DIAPH2: variants seen among roughly 807,000 people sequenced by gnomAD.
DIAPH2 encodes protein diaphanous homolog 2.
DIAPH2 carries 35 observed loss-of-function variants against 92.7 expected under a neutral mutation model. The observed-to-expected ratio is 0.38, with a 90% CI of 0.29 to 0.50. DIAPH2 has a LOEUF of 0.50. Ranked by LOEUF, DIAPH2 falls within the 20% of genes least tolerant of loss-of-function variation. The pLI is 0.94. For synonymous variants in DIAPH2, 301 were observed against 280.4 expected (o/e 1.07, Z -0.73); for missense variants, 701 against 819.5 (o/e 0.86, Z 1.77).
intron 3 of DIAPH2, among the ~76,000 whole-genome samples, chrX:96,757,771 C>T (rs1404621135): frequency 1.8e-5 from 2 of 111,687 alleles, no homozygotes; most frequent in Non-Finnish European, 3.8e-5. Flanking sequence ...AATAATGATC[C>T]TAAGGGAGCA....
intron 4 of DIAPH2, among the ~76,000 whole-genome samples, chrX:96,775,354 T>TGTGTGC (rs1491531103): frequency 2.0e-3 from 14 of 7,062 alleles, no homozygotes; most frequent in Admixed American, 9.8e-3. Flanking sequence ...AACGTGTGCT[T>TGTGTGC]GTGTGTGTGT....
At chrX:97,126,737 C>T (rs2067096703) in intron 21 of DIAPH2, among the ~76,000 whole-genome samples, 1 of 112,351 alleles carries the variant, frequency 8.9e-6, no homozygotes, top group South Asian at 3.7e-4. Flanking sequence ...AGCGCATACT[C>T]TGTTAGATGA....
chrX:96,962,376 TATAC>T lies in DIAPH2; in HGVS notation c.1936-2715_1936-2712del, dbSNP rs774420520. On this transcript the variant is annotated intron_variant, in intron 16 of 26. Coordinates refer to ENST00000324765, the MANE Select transcript of DIAPH2 (RefSeq NM_006729.5). ...ACACATATATATATACACATATATA[TATAC>T]ACATATATATACACATATATATACA... Among the ~76,000 whole-genome samples the T allele has an allele frequency of 2.3e-3, 156 of 67,240 alleles. 7 individuals carry two copies. The highest frequency in any genetic ancestry group is 2.5e-3 in the Non-Finnish European group (93 of 37,271). 58.4% of individuals were successfully genotyped at this position (67,240 alleles called of 115,157 possible).
rs144881189 is a variant in DIAPH2, at chrX:97,109,313, C to T, written c.2350-5413C>T. Reference sequence around the variant, plus strand: ...ACATGTGCCTGTAGTCCTGGCTACTCGGGAGGCTGAGGTGGGAAGATCGCC... The same window carrying T: ...ACATGTGCCTGTAGTCCTGGCTACTTGGGAGGCTGAGGTGGGAAGATCGCC... On this transcript the variant is annotated intron_variant, in intron 20 of 26. Coordinates refer to ENST00000324765, the MANE Select transcript of DIAPH2 (RefSeq NM_006729.5). Among the ~76,000 whole-genome samples the T allele has an allele frequency of 3.5e-3, 384 of 110,893 alleles. 2 individuals are homozygous for T. The highest frequency in any genetic ancestry group is 0.012 in the African/African-American group (366 of 30,525).
chrX:97,391,143 G>A (rs1716277303), intron 25 of DIAPH2, among the ~76,000 whole-genome samples: 1 of 111,434 alleles, frequency 9.0e-6, no homozygotes, highest in Admixed American at 9.6e-5. Flanking sequence ...AAAGATGCAG[G>A]AAAGAAAGAG....
intron 22 of DIAPH2, among the ~76,000 whole-genome samples, chrX:97,184,609 C>T (rs1411140193): frequency 9.0e-6 from 1 of 111,165 alleles, no homozygotes; most frequent in Admixed American, 9.7e-5. Context: ...GCCTCTGGTG[C>T]CTGGGGAGAT....
At chrX:97,529,575 A>G (rs946371548) in intron 26 of DIAPH2, among the ~76,000 whole-genome samples, 6 of 112,039 alleles carry the variant, frequency 5.4e-5, no homozygotes, top group African/African-American at 1.9e-4. Context: ...TAAGTAGATA[A>G]GGAATTATAA....
chrX:97,369,395 AG>A (rs1309522528), intron 24 of DIAPH2, among the ~76,000 whole-genome samples: 1 of 85,728 alleles, frequency 1.2e-5, no homozygotes, highest in Non-Finnish European at 2.7e-5. Flanking sequence ...ATTTAATCTG[AG>A]GGAGGAGAGG....
Position 96,684,844 on chromosome X carries a change from C to T in DIAPH2, c.-215C>T, listed in dbSNP as rs919672453. ...GCAACTGCTCAGGGGCAGGGCTTGC[C>T]CCAGCGCCGAGTAGTGGCAACGGCG... On this transcript the variant is annotated 5_prime_UTR_variant, in exon 1 of 27. Coordinates refer to ENST00000324765, the MANE Select transcript of DIAPH2 (RefSeq NM_006729.5). The T allele has an allele frequency of 6.7e-5, 22 of 328,480 alleles. No individual in the cohort carries two copies. The highest frequency in any genetic ancestry group is 3.2e-4 in the Admixed American group (5 of 15,868). The allele number at this position is 328,480 out of a possible 1,213,427, so 27.1% of individuals were successfully genotyped here. A position where few individuals can be genotyped will look rare whatever the true frequency, so the allele number is the denominator to read the frequency against.
intron 4 of DIAPH2, among the ~76,000 whole-genome samples, chrX:96,845,927 C>T (rs2064968117): frequency 9.1e-6 from 1 of 109,880 alleles, no homozygotes; most frequent in South Asian, 3.9e-4. Context: ...ATTACAGGCA[C>T]ATGCCACCAC....
At chrX:97,073,796 C>G (rs1170513952) in intron 18 of DIAPH2, among the ~76,000 whole-genome samples, 4 of 112,325 alleles carry the variant, frequency 3.6e-5, no homozygotes, top group African/African-American at 9.7e-5. Context: ...TTACAATAAA[C>G]AAAACATCAT....
Position 97,229,269 on chromosome X carries a change from G to T in DIAPH2, c.2720-18446G>T, listed in dbSNP as rs2067989190. 2.7e-5 allele frequency among the ~76,000 whole-genome samples: 3 copies of T among 111,742 alleles called. No homozygotes were observed. In the Admixed American group the frequency reaches 2.9e-4, roughly 11 times the overall value. On this transcript the variant is annotated intron_variant, in intron 22 of 26. Transcript: ENST00000324765. ...CTGGGGACTTCAAATGTAATTGAAG[G>T]TTTTAATTTTAACTCATTGAATCAA...
At chrX:97,191,810 G>GGA (rs1328997814) in intron 22 of DIAPH2, among the ~76,000 whole-genome samples, 2 of 111,090 alleles carry the variant, frequency 1.8e-5, no homozygotes, top group Admixed American at 1.9e-4. Context: ...AAAAGTGACT[G>GGA]GATAGCAGCA....
chrX:97,288,392 C>A, intron 23 of DIAPH2, among the ~76,000 whole-genome samples: 1 of 110,819 alleles, frequency 9.0e-6, no homozygotes, highest in Middle Eastern at 4.6e-3. Context: ...ACTGTGGGGC[C>A]ATGCTAAATT....
At chrX:96,969,241 GT>G (rs1264123082) in intron 17 of DIAPH2, among the ~76,000 whole-genome samples, 6 of 108,534 alleles carry the variant, frequency 5.5e-5, no homozygotes, top group South Asian at 3.9e-4. Context: ...TTTTAGAATA[GT>G]TTTTTTTTTC....
intron 17 of DIAPH2, among the ~76,000 whole-genome samples, chrX:97,048,080 A>G (rs896351983): frequency 1.8e-5 from 2 of 111,071 alleles, no homozygotes; most frequent in Non-Finnish European, 3.8e-5. Context: ...TTGTATTTGT[A>G]AATCATTTCA....
At chrX:97,413,044 A>G (rs943654718) in intron 25 of DIAPH2, among the ~76,000 whole-genome samples, 2 of 112,139 alleles carry the variant, frequency 1.8e-5, no homozygotes, top group Non-Finnish European at 3.8e-5. Context: ...AATCCTCCCT[A>G]ACTCATTTTA....
intron 26 of DIAPH2, among the ~76,000 whole-genome samples, chrX:97,461,303 CAA>C (rs1290505718): frequency 2.7e-5 from 3 of 109,556 alleles, no homozygotes; most frequent in Non-Finnish European, 5.7e-5. Context: ...TTGACACACA[CAA>C]GAGTAAATGT....
intron 22 of DIAPH2, among the ~76,000 whole-genome samples, chrX:97,178,857 G>A (rs2067516588): frequency 9.0e-6 from 1 of 110,512 alleles, no homozygotes; most frequent in South Asian, 3.9e-4. Context: ...TTGAGGGAGT[G>A]GGTTCATTTT....
Sources: allele counts gnomAD v4.1 joint callset (sites outside exome capture counted in the v4.1 genomes callset), GRCh38; gene constraint gnomAD v4.1.1; transcripts MANE v1.5; gene names NCBI Gene and HGNC (gene_info 2026-07-23, HGNC 2026-07-21).